ZNF436: variants seen among roughly 807,000 people sequenced by gnomAD.
ZNF436 encodes zinc finger protein 436.
In ZNF436, 22 loss-of-function variants were observed where a neutral mutation model predicts 41.9. The observed-to-expected ratio is 0.53, with a 90% CI of 0.38 to 0.75. ZNF436 has a LOEUF of 0.75. ZNF436 is among the 30% of genes least tolerant of loss of function. The pLI is 0.00. For missense variants in ZNF436, 506 were observed against 587.3 expected, an observed-to-expected ratio of 0.86 and a Z score of 1.43; for synonymous variants, 217 against 197.8, an observed-to-expected ratio of 1.10 and a Z score of -0.82.
Position 23,362,699 on chromosome 1 carries a change from C to T in ZNF436, c.683G>A (p.Gly228Glu). Reference sequence around the variant, plus strand: ...GTGAGAGAGACGGCAGAAACTTTTTCCACACTCATTACATTTGTGAGGCTT... The same window carrying T: ...GTGAGAGAGACGGCAGAAACTTTTTTCACACTCATTACATTTGTGAGGCTT... ...GEKPHKCNEC[G>E]KSFCRLSHLI... The change falls in exon 4 of 4, where the codon GGA (glycine) becomes GAA (glutamate). Residue 228 changes from glycine to glutamate, a missense_variant. This residue lies in a region of ZNF436 where 278 missense variants were observed against 372.1 expected (regional missense o/e 0.75). Coordinates refer to ENST00000314011, the MANE Select transcript of ZNF436 (RefSeq NM_001077195.2). 3 of 1,614,162 alleles carry T rather than the reference C, an allele frequency of 1.9e-6. No individual in the cohort carries two copies. Among genetic ancestry groups the T allele is most frequent in the East Asian group, 4.5e-5 (2 of 44,878 alleles).
At chr1:23,368,154 G>A in intron 1 of ZNF436, 89 bp from the exon 2 acceptor site, 5 of 848,664 alleles carry the variant, frequency 5.9e-6, no homozygotes, top group Non-Finnish European at 5.6e-6. Context: ...AGGCGGGCAG[G>A]GAGGGCCCTG....
At position 23,362,500 on chromosome 1, in the gene ZNF436, G is replaced by C; in HGVS notation, c.882C>G (p.Ile294Met). ...GRGFSERSDL[I>M]KHYRVHTGER... ...CCCCTGTGTGGACTCGATAGTGTTT[G>C]ATGAGATCAGATCTCTCACTGAAGC... is the stretch of plus-strand genomic sequence containing the variant. Residue 294 changes from isoleucine (I) to methionine (M), a missense_variant, in exon 4 of 4, where the codon ATC (isoleucine) becomes ATG (methionine). Ile to Met is a conservative substitution (Grantham distance 10). Transcript: ENST00000314011. The C allele has an allele frequency of 6.2e-7, 1 of 1,613,656 alleles. No homozygotes were observed.
intron 3 of ZNF436, among the ~76,000 whole-genome samples, chr1:23,364,166 T>C (rs1202465558): frequency 6.6e-4 from 101 of 152,244 alleles, no homozygotes; most frequent in Non-Finnish European, 4.4e-5. Context: ...TTTTTTAACT[T>C]GCCAAGCCTT....
In ZNF436 at chr1:23,362,529, G is replaced by A. The variant is rs758295803; in HGVS notation, c.853C>T (p.Arg285Ter). ...AGATCAGATCTCTCACTGAAGCCTC[G>A]GCCACATTCGTTACATTCATAAGGT... ...EKPYECNECG[R>*]GFSERSDLIK... Residue 285 changes from arginine to a stop codon, truncating the protein, a stop_gained, in exon 4 of 4, where the codon CGA (arginine) becomes TGA (stop). Transcript: ENST00000314011. LOFTEE classifies it high-confidence loss of function. 7 of 1,612,786 alleles carry A rather than the reference G, an allele frequency of 4.3e-6. No individual in the cohort carries two copies. The highest frequency in any genetic ancestry group is 1.3e-5 in the African/African-American group (1 of 74,408).
At chr1:23,365,789 G>A (rs915430834) in intron 3 of ZNF436, among the ~76,000 whole-genome samples, 8 of 151,564 alleles carry the variant, frequency 5.3e-5, no homozygotes, top group South Asian at 2.1e-4. Flanking sequence ...AAGGTGGTAC[G>A]CATCTGTGAT....
At chr1:23,366,657 C>T (rs747679017) in intron 3 of ZNF436, among the ~76,000 whole-genome samples, 1 of 152,206 alleles carries the variant, frequency 6.6e-6, no homozygotes, top group Non-Finnish European at 1.5e-5. Context: ...AGGTGGCTTT[C>T]GCCCTCCCAT....
rs1260074953 is a variant in ZNF436, at chr1:23,360,236, T to C, written c.*1733A>G. 6.6e-6 allele frequency: 1 copy of C among 152,260 alleles called. No individual in the cohort carries two copies. Among genetic ancestry groups the C allele is most frequent in the Non-Finnish European group, 1.5e-5 (1 of 68,050 alleles). 9.4% of individuals were successfully genotyped at this position (152,260 alleles called of 1,614,324 possible). A position where few individuals can be genotyped will look rare whatever the true frequency, so the allele number is the denominator to read the frequency against. On this transcript the variant is annotated 3_prime_UTR_variant, in exon 4 of 4. Coordinates refer to ENST00000314011, the MANE Select transcript of ZNF436 (RefSeq NM_001077195.2). ...AACAAGTGATGTGGTCCCACACAGC[T>C]GTGGGTCACAATAACTCATTATAGT...
At chr1:23,369,117 T>A (rs1638436819) in intron 1 of ZNF436, 1 of 279,734 alleles carries the variant, frequency 3.6e-6, no homozygotes, top group African/African-American at 2.3e-5. Context: ...GCGAAAACCC[T>A]GGGGGACTCA....
chr1:23,361,926 T>C lies in ZNF436; in HGVS notation c.*43A>G, dbSNP rs774816109. The C allele has an allele frequency of 1.3e-6, 2 of 1,529,516 alleles. No individual in the cohort carries two copies. Among genetic ancestry groups the C allele is most frequent in the Non-Finnish European group, 1.8e-6 (2 of 1,140,090 alleles). 94.7% of individuals were successfully genotyped at this position (1,529,516 alleles called of 1,614,324 possible). On this transcript the variant is annotated 3_prime_UTR_variant, in exon 4 of 4. Transcript: ENST00000314011. The stretch of plus-strand genomic sequence containing the variant: ...GGCGTTCATTGATATCAAATAAAAT[T>C]GTATCTTCAAATGAATCATTTCTCA...
intron 1 of ZNF436, 52 bp downstream of exon 1, chr1:23,369,313 GT>G (rs760358655): frequency 1.9e-6 from 1 of 523,860 alleles, no homozygotes; most frequent in South Asian, 1.4e-5. Context: ...AGCAGTCCCT[GT>G]CCGGTTGAAG....
intron 3 of ZNF436, among the ~76,000 whole-genome samples, chr1:23,364,601 T>C (rs185738248): frequency 6.6e-6 from 1 of 152,338 alleles, no homozygotes; most frequent in East Asian, 1.9e-4. Flanking sequence ...GACAGAAAAG[T>C]GACTGACAAA....
chr1:23,365,181 C>G (rs1390599461), intron 3 of ZNF436, among the ~76,000 whole-genome samples: 1 of 150,426 alleles, frequency 6.6e-6, no homozygotes, highest in African/African-American at 2.5e-5. Context: ...ATCACGAGGT[C>G]AGGAGATCGA....
At chr1:23,365,158 C>G (rs1286383171) in intron 3 of ZNF436, among the ~76,000 whole-genome samples, 1 of 151,898 alleles carries the variant, frequency 6.6e-6, no homozygotes, top group Non-Finnish European at 1.5e-5. Flanking sequence ...CTTTGGGAGG[C>G]CGAGGTGGGC....
At chr1:23,363,255 T>A in intron 3 of ZNF436, 34 bp from the exon 4 acceptor site, 1 of 1,563,614 alleles carries the variant, frequency 6.4e-7, no homozygotes, top group Non-Finnish European at 8.6e-7. Flanking sequence ...GACTAGTAAG[T>A]ACAAAAATTA....
chr1:23,361,872 G>A lies in ZNF436; in HGVS notation c.*97C>T. On this transcript the variant is annotated 3_prime_UTR_variant, in exon 4 of 4. Transcript: ENST00000314011. ...TTTAAATCGTGGCCCACAACTAGGA[G>A]AGTATGATAAAAGCAGCTCAGTCTT... is the stretch of plus-strand genomic sequence containing the variant. The A allele has an allele frequency of 7.7e-7, 1 of 1,290,990 alleles. No homozygotes were observed. The highest frequency in any genetic ancestry group is 2.3e-5 in the East Asian group (1 of 42,880). 80.0% of individuals were successfully genotyped at this position (1,290,990 alleles called of 1,614,324 possible).
At chr1:23,368,722 C>G (rs1638423627) in intron 1 of ZNF436, among the ~76,000 whole-genome samples, 1 of 152,246 alleles carries the variant, frequency 6.6e-6, no homozygotes. Context: ...TGAGTCGGGC[C>G]TTATTATCTG....
Position 23,369,611 on chromosome 1 carries a change from A to G in ZNF436, c.-306T>C, listed in dbSNP as rs770417908. 1.9e-6 allele frequency: 1 copy of G among 530,108 alleles called. No homozygotes were observed. Among genetic ancestry groups the G allele is most frequent in the Non-Finnish European group, 3.9e-6 (1 of 256,338 alleles). 32.8% of individuals were successfully genotyped at this position (530,108 alleles called of 1,614,324 possible). On this transcript the variant is annotated 5_prime_UTR_variant, in exon 1 of 4. Transcript: ENST00000314011. Reference sequence around the variant, plus strand: ...GAGGCCTCAGACTCGCAGGCAGCTCAGAAACCACAGGCTCATAGGCAGATC... The same window carrying G: ...GAGGCCTCAGACTCGCAGGCAGCTCGGAAACCACAGGCTCATAGGCAGATC...
At position 23,362,208 on chromosome 1, in the gene ZNF436, A is replaced by G; in HGVS notation, c.1174T>C (p.Cys392Arg). ...KIHTGEKPYE[C>R]NECWRSFGER... is the part of the protein sequence containing the mutation. ...CCAAAGCTTCGCCAACACTCATTAC[A>G]CTCATAAGGCTTCTCTCCAGTGTGA... Residue 392 changes from cysteine to arginine, a missense_variant, in exon 4 of 4, where the codon TGT becomes CGT. Transcript: ENST00000314011. 6.2e-7 allele frequency: 1 copy of G among 1,613,910 alleles called. No homozygotes were observed.
intron 3 of ZNF436, among the ~76,000 whole-genome samples, chr1:23,366,833 G>A (rs573388337): frequency 1.3e-5 from 2 of 152,316 alleles, no homozygotes; most frequent in East Asian, 1.9e-4. Context: ...AAATCTGAAC[G>A]TCTAAGACGT....
Sources: allele counts gnomAD v4.1 joint callset (sites outside exome capture counted in the v4.1 genomes callset), GRCh38; gene constraint gnomAD v4.1.1; regional missense constraint gnomAD v4.1.1; transcripts MANE v1.5; gene names NCBI Gene and HGNC (gene_info 2026-07-23, HGNC 2026-07-21).